COL28A1: variants seen among roughly 807,000 people sequenced by gnomAD.
COL28A1 encodes the protein collagen alpha-1(XXVIII) chain.
COL28A1 carries 161 observed loss-of-function variants against 150.2 expected under a neutral mutation model. That is an observed-to-expected ratio of 1.07 (90% CI 0.94 to 1.22). The LOEUF is 1.22. Ranked by LOEUF, COL28A1 falls within the 50% of genes most tolerant of loss-of-function variation. COL28A1 has a pLI of 0.00. For missense variants in COL28A1, 1,617 were observed against 1,388.3 expected, an observed-to-expected ratio of 1.16 and a Z score of -2.62; for synonymous variants, 552 against 469.7, an observed-to-expected ratio of 1.18 and a Z score of -2.26.
At chr7:7,450,926 T>C (rs1446385862) in intron 18 of COL28A1, among the ~76,000 whole-genome samples, 1 of 152,140 alleles carries the variant, frequency 6.6e-6, no homozygotes, top group Non-Finnish European at 1.5e-5. Context: ...GAATGATATA[T>C]CATGTAAAGT....
At chr7:7,392,320 G>A (rs569481091) in intron 27 of COL28A1, among the ~76,000 whole-genome samples, 10 of 152,334 alleles carry the variant, frequency 6.6e-5, no homozygotes, top group South Asian at 6.2e-4. Context: ...CTTCTGGCTT[G>A]TAGGGTTTCT....
At chr7:7,541,940 CA>C in the COL28A1 span, among the ~76,000 whole-genome samples, 97,072 of 147,352 alleles carry the variant, frequency 0.66, 33,241 homozygotes, top group Admixed American at 0.77. Context: ...AAGTTTTACC[CA>C]AAAAAAAAAA....
downstream of COL28A1, among the ~76,000 whole-genome samples, chr7:7,355,778 T>C (rs1220974825): frequency 6.6e-6 from 1 of 152,170 alleles, no homozygotes; most frequent in Non-Finnish European, 1.5e-5. Flanking sequence ...CAAATGGGTA[T>C]GATATACTAC....
At chr7:7,489,485 G>A (rs770603185) in intron 12 of COL28A1, 28 bp from the exon 13 acceptor site, 5 of 983,774 alleles carry the variant, frequency 5.1e-6, no homozygotes, top group Non-Finnish European at 5.0e-6. Flanking sequence ...TAGAATGAAA[G>A]CTTGAGATTT....
At chr7:7,415,906 G>A (rs770916704) in intron 27 of COL28A1, among the ~76,000 whole-genome samples, 6 of 152,198 alleles carry the variant, frequency 3.9e-5, no homozygotes, top group East Asian at 1.9e-4. Flanking sequence ...GGGTTCAAGC[G>A]ATTCTCATGC....
Position 7,500,914 on chromosome 7 carries a change from T to C in COL28A1, c.1026+5100A>G, listed in dbSNP as rs150507036. Among the ~76,000 whole-genome samples the C allele has an allele frequency of 7.2e-5, 11 of 152,306 alleles. No individual in the cohort carries two copies. The East Asian group carries it at 2.1e-3, about 29-fold the overall frequency. On this transcript the variant is annotated intron_variant, in intron 11 of 34. Coordinates refer to ENST00000399429, the MANE Select transcript of COL28A1 (RefSeq NM_001037763.3). ...GCTTCAGGGTGAACTAAATATATCA[T>C]GTACTACCCTCATCGCCCTCACTGC... is the stretch of plus-strand genomic sequence containing the variant.
chr7:7,424,386 T>C (rs1784540155), intron 25 of COL28A1, among the ~76,000 whole-genome samples: 1 of 152,188 alleles, frequency 6.6e-6, no homozygotes, highest in East Asian at 1.9e-4. Flanking sequence ...GGACAGGTCT[T>C]GCTTGGCCAT....
chr7:7,522,665 A>C (rs143213618), intron 4 of COL28A1, among the ~76,000 whole-genome samples: 14 of 152,286 alleles, frequency 9.2e-5, no homozygotes, highest in African/African-American at 3.4e-4. Context: ...CAGAAAAACA[A>C]GGACATCAAC....
the COL28A1 span, among the ~76,000 whole-genome samples, chr7:7,339,301 C>T: frequency 1.3e-5 from 2 of 152,134 alleles, no homozygotes; most frequent in Non-Finnish European, 2.9e-5. Flanking sequence ...TTCCTATTCA[C>T]TCCCTTAAGT....
At chr7:7,414,960 T>A (rs1783985273) in intron 27 of COL28A1, among the ~76,000 whole-genome samples, 1 of 152,222 alleles carries the variant, frequency 6.6e-6, no homozygotes, top group Non-Finnish European at 1.5e-5. Flanking sequence ...GTTCACATAT[T>A]TTTACTCACT....
chr7:7,516,974 T>G (rs949706463), intron 7 of COL28A1, among the ~76,000 whole-genome samples: 5 of 152,166 alleles, frequency 3.3e-5, no homozygotes, highest in Non-Finnish European at 7.3e-5. Context: ...AAGATAAACG[T>G]AGAATTCTCT....
At chr7:7,513,515 C>T (rs1781260927) in intron 8 of COL28A1, among the ~76,000 whole-genome samples, 1 of 152,230 alleles carries the variant, frequency 6.6e-6, no homozygotes, top group Non-Finnish European at 1.5e-5. Context: ...GTTCTCTCTT[C>T]ACATCCTTTC....
rs149932623 is a variant in COL28A1, at chr7:7,464,467, C to A, written c.1303-8355G>T. Among the ~76,000 whole-genome samples the A allele has an allele frequency of 1.7e-3, 263 of 152,320 alleles. 2 individuals carry two copies. Among genetic ancestry groups the A allele is most frequent in the African/African-American group, 5.9e-3 (244 of 41,576 alleles). On this transcript the variant is annotated intron_variant, in intron 15 of 34. Transcript: ENST00000399429. The stretch of plus-strand genomic sequence containing the variant: ...AGTGAAATTATACCAAGCAGTCTTT[C>A]AGACCACAGTGGAATAAAACTGGAA...
At chr7:7,420,041 TTGA>T in intron 25 of COL28A1, 88 bp from the exon 26 acceptor site, 1 of 801,666 alleles carries the variant, frequency 1.2e-6, no homozygotes, top group East Asian at 3.0e-5. Flanking sequence ...CAAAAACTTC[TTGA>T]ATGTGACTAA....
At position 7,362,613 on chromosome 7, in the gene COL28A1, A is replaced by ATTT. The variant is rs3067667; in HGVS notation, c.3067-2088_3067-2086dup. Among the ~76,000 whole-genome samples, 411 of 151,906 alleles carry ATTT rather than the reference A, an allele frequency of 2.7e-3. 12 individuals are homozygous for ATTT. In the East Asian group the frequency reaches 0.054, roughly 20 times the overall value. ...TACTATCAGGTGACTTAGAGCAAAG[A>ATTT]TTTTTCCATTTGGATTGGTCATTAG... On this transcript the variant is annotated intron_variant, in intron 33 of 34. Transcript: ENST00000399429.
intron 18 of COL28A1, among the ~76,000 whole-genome samples, chr7:7,449,957 G>A (rs1786558040): frequency 6.6e-6 from 1 of 152,030 alleles, no homozygotes; most frequent in South Asian, 2.1e-4. Context: ...CCTAAAACAT[G>A]TATCTTAGAG....
At chr7:7,406,663 G>C (rs1235582649) in intron 27 of COL28A1, among the ~76,000 whole-genome samples, 2 of 152,092 alleles carry the variant, frequency 1.3e-5, no homozygotes, top group Non-Finnish European at 2.9e-5. Context: ...CTGTCATAAA[G>C]AGAAGGAACC....
At chr7:7,389,690 T>A (rs1236334853) in intron 27 of COL28A1, among the ~76,000 whole-genome samples, 1 of 152,218 alleles carries the variant, frequency 6.6e-6, no homozygotes, top group African/African-American at 2.4e-5. Context: ...TGGTTTGTAG[T>A]TCTCCTTGAA....
the COL28A1 span, among the ~76,000 whole-genome samples, chr7:7,541,035 CA>C: frequency 7.0e-4 from 106 of 152,054 alleles, 1 homozygote; most frequent in African/African-American, 2.5e-3. Flanking sequence ...TAAGAATATC[CA>C]AAAAAAGTTT....
Sources: gnomAD v4.1 joint callset for allele counts (sites outside exome capture counted in the v4.1 genomes callset) on GRCh38, gnomAD v4.1.1 for gene constraint, MANE v1.5 for transcripts, NCBI Gene and HGNC (gene_info 2026-07-23, HGNC 2026-07-21) for gene names.